Variants in SCAP observed in about 807,000 individuals in gnomAD.
SCAP encodes sterol regulatory element-binding protein cleavage-activating protein.
SCAP carries 65 observed loss-of-function variants against 123.6 expected under a neutral mutation model. The ratio of observed to expected loss-of-function variants is 0.53; its 90% CI spans 0.43 to 0.65. The LOEUF is 0.65. SCAP is among the 30% of genes least tolerant of loss of function. The pLI is 0.00. For synonymous variants in SCAP, 740 were observed against 726.3 expected, an observed-to-expected ratio of 1.02 and a Z score of -0.30; for missense variants, 1,398 against 1,712.5, an observed-to-expected ratio of 0.82 and a Z score of 3.24.
intron 6 of SCAP, 102 bp from the exon 7 acceptor site, chr3:47,426,271 CCT>C (rs1288201466): frequency 1.7e-6 from 2 of 1,211,004 alleles, no homozygotes; most frequent in South Asian, 1.5e-5. Context: ...CCCTCCTGCC[CCT>C]GTGTTGAAAG....
At chr3:47,469,522 C>T (rs972104706) in intron 1 of SCAP, among the ~76,000 whole-genome samples, 8 of 152,108 alleles carry the variant, frequency 5.3e-5, no homozygotes, top group Non-Finnish European at 1.0e-4. Context: ...CATGACCCTG[C>T]TAATTTTTGT....
chr3:47,456,730 G>A (rs939805922), intron 1 of SCAP, among the ~76,000 whole-genome samples: 3 of 151,912 alleles, frequency 2.0e-5, no homozygotes, highest in South Asian at 2.1e-4. Context: ...ATCCGAGATC[G>A]TGTGAGATCG....
intron 1 of SCAP, among the ~76,000 whole-genome samples, chr3:47,474,252 G>A (rs1406190394): frequency 5.7e-5 from 8 of 140,446 alleles, no homozygotes; most frequent in East Asian, 2.2e-4. Context: ...GCGACAGAGC[G>A]AGACTCCATC....
At chr3:47,476,112 G>C (rs1708264946), upstream of SCAP, 1 of 152,054 alleles carries the variant, frequency 6.6e-6, no homozygotes. Context: ...CGGGCGGAGC[G>C]TGAAGCCGGG....
Position 47,419,435 on chromosome 3 carries a change from T to G in SCAP, c.1833A>C (p.Pro611=), listed in dbSNP as rs548237567. Residue 611 remains proline, a synonymous_variant, in exon 13 of 23, where the codon CCA becomes CCC. Transcript: ENST00000265565. The surrounding 1 kb of genome is among the most constrained non-coding windows in gnomAD (Gnocchi z 5.0). The part of the protein sequence containing the change: ...GGPAEVVHDS[P]VPEVTWGPED... Reference sequence around the variant, plus strand: ...CAGGCCCCCAGGTTACCTCTGGGACTGGGCTGTCATGGACAACCTCTGCTG... The same window carrying G: ...CAGGCCCCCAGGTTACCTCTGGGACGGGGCTGTCATGGACAACCTCTGCTG... The G allele has an allele frequency of 1.2e-6, 2 of 1,614,006 alleles. No individual in the cohort carries two copies. Among genetic ancestry groups the G allele is most frequent in the South Asian group, 2.2e-5 (2 of 91,090 alleles).
chr3:47,437,701 C>T (rs1706639072), intron 2 of SCAP, among the ~76,000 whole-genome samples: 2 of 151,922 alleles, frequency 1.3e-5, no homozygotes, highest in South Asian at 4.1e-4. Context: ...ATGATCATGC[C>T]ACTGCATTCC....
intron 1 of SCAP, among the ~76,000 whole-genome samples, chr3:47,464,428 T>C (rs1707754481): frequency 6.6e-6 from 1 of 152,122 alleles, no homozygotes; most frequent in South Asian, 2.1e-4. Context: ...ACAAGTGGAA[T>C]TTATTCCCAA....
chr3:47,425,652 A>AGG, intron 7 of SCAP, 41 bp from the exon 8 acceptor site: 1 of 1,607,030 alleles, frequency 6.2e-7, no homozygotes, highest in Non-Finnish European at 8.5e-7. Flanking sequence ...CCCCTCCCCC[A>AGG]GCCCCCGGCC....
intron 1 of SCAP, among the ~76,000 whole-genome samples, chr3:47,466,411 T>C (rs1707832584): frequency 5.3e-5 from 8 of 152,148 alleles, no homozygotes; most frequent in Admixed American, 5.2e-4. Context: ...TGAGTCATTC[T>C]TGAACCTTGT....
At chr3:47,432,609 T>C (rs1706411555) in intron 3 of SCAP, among the ~76,000 whole-genome samples, 1 of 152,128 alleles carries the variant, frequency 6.6e-6, no homozygotes, top group African/African-American at 2.4e-5. Context: ...CTCCTTCGTA[T>C]AGGCAGCAGA....
intron 1 of SCAP, among the ~76,000 whole-genome samples, chr3:47,462,824 C>T (rs1358466657): frequency 2.7e-5 from 4 of 150,916 alleles, no homozygotes; most frequent in Non-Finnish European, 4.4e-5. Flanking sequence ...TGAGTGACAT[C>T]ATGTCCCTAC....
chr3:47,464,111 G>A (rs1055436977), intron 1 of SCAP, among the ~76,000 whole-genome samples: 9 of 152,138 alleles, frequency 5.9e-5, no homozygotes, highest in African/African-American at 2.2e-4. Flanking sequence ...CGCCTCCCAG[G>A]TTCAAGCAAT....
chr3:47,424,737 G>GT (rs1706049754), intron 8 of SCAP, among the ~76,000 whole-genome samples: 1 of 152,176 alleles, frequency 6.6e-6, no homozygotes, highest in Non-Finnish European at 1.5e-5. Context: ...AAGGGAGCAG[G>GT]TATCTAAGAG....
chr3:47,447,818 C>T (rs922767531), intron 1 of SCAP, among the ~76,000 whole-genome samples: 15 of 151,788 alleles, frequency 9.9e-5, no homozygotes, highest in African/African-American at 3.4e-4. Flanking sequence ...ACCAGCCTGG[C>T]CAACACAGTG....
At chr3:47,425,702 G>C in intron 7 of SCAP, 91 bp from the exon 8 acceptor site, 2 of 1,431,710 alleles carry the variant, frequency 1.4e-6, no homozygotes, top group Non-Finnish European at 9.6e-7. Flanking sequence ...GACAGTCGAG[G>C]AAGGGAAAAC....
intron 1 of SCAP, among the ~76,000 whole-genome samples, chr3:47,458,157 G>T (rs1466341122): frequency 6.6e-6 from 1 of 152,032 alleles, no homozygotes; most frequent in Non-Finnish European, 1.5e-5. Flanking sequence ...GCGTGGCCAG[G>T]CGCAGTGGCT....
Position 47,428,635 on chromosome 3 carries a change from T to C in SCAP, c.288A>G (p.Ile96Met). The C allele has an allele frequency of 6.2e-7, 1 of 1,614,038 alleles. No individual in the cohort carries two copies. Among genetic ancestry groups the C allele is most frequent in the Non-Finnish European group, 8.5e-7 (1 of 1,180,004 alleles). ...VGAPVAYVQQ[I>M]FVKSSVFPWH... ...AGGGAAACACTGAGGACTTCACAAATATCTGCTGGACATAAGCCACCGGGG... is the reference window on the plus strand; with the variant it reads ...AGGGAAACACTGAGGACTTCACAAACATCTGCTGGACATAAGCCACCGGGG... The change falls in exon 4 of 23, where the codon ATA becomes ATG. Residue 96 changes from isoleucine (I) to methionine (M), a missense_variant. Around this residue, in one of 7 missense-constraint regions of SCAP, gnomAD observed 319 missense variants for 432.4 expected, o/e 0.74. Transcript: ENST00000265565.
At chr3:47,447,010 CT>C (rs1707069086) in intron 1 of SCAP, among the ~76,000 whole-genome samples, 1 of 152,134 alleles carries the variant, frequency 6.6e-6, no homozygotes, top group Non-Finnish European at 1.5e-5. Context: ...ATATAAATTC[CT>C]TTTTTTCCCC....
At chr3:47,469,238 C>T (rs1329199661) in intron 1 of SCAP, among the ~76,000 whole-genome samples, 1 of 152,170 alleles carries the variant, frequency 6.6e-6, no homozygotes, top group Non-Finnish European at 1.5e-5. Flanking sequence ...GTCCCAGCTA[C>T]TTGGTAAGCT....
Sources: allele counts gnomAD v4.1 joint callset (sites outside exome capture counted in the v4.1 genomes callset), GRCh38; gene constraint gnomAD v4.1.1; regional missense constraint gnomAD v4.1.1; non-coding constraint Gnocchi (gnomAD v3.1); transcripts MANE v1.5; gene names NCBI Gene and HGNC (gene_info 2026-07-23, HGNC 2026-07-21).